CCDC171: variants seen among roughly 807,000 people sequenced by gnomAD.
CCDC171 encodes coiled-coil domain containing 171, also known as coiled-coil domain-containing protein 171.
CCDC171 carries 177 observed loss-of-function variants against 168.2 expected under a neutral mutation model. That is an observed-to-expected ratio of 1.05 (90% CI 0.93 to 1.19). The LOEUF is 1.19. Ranked by LOEUF, CCDC171 falls within the 50% of genes most tolerant of loss-of-function variation. The pLI is 0.00. For missense variants in CCDC171, 1,991 were observed against 1,539.0 expected, an observed-to-expected ratio of 1.29 and a Z score of -4.91; for synonymous variants, 687 against 540.8, an observed-to-expected ratio of 1.27 and a Z score of -3.75.
rs773463624 is a variant in CCDC171 at position 15,721,773 on chromosome 9, C to T, written c.1323C>T (p.Ile441=). ...TCATCCTATATTTTTCTCTAGGCATCCACAAGGACAAAGATAAACCTCCCA... is the reference window on the plus strand; with the variant it reads ...TCATCCTATATTTTTCTCTAGGCATTCACAAGGACAAAGATAAACCTCCCA... ...FTVSGQWTSG[I]HKDKDKPPSF... Residue 441 remains isoleucine, a synonymous_variant, in exon 12 of 26, where the codon ATC becomes ATT. Transcript: ENST00000380701. The T allele has an allele frequency of 1.2e-5, 19 of 1,536,674 alleles. No homozygotes were observed. The East Asian group carries it at 3.4e-4, about 28-fold the overall frequency.
intron 6 of CCDC171, among the ~76,000 whole-genome samples, chr9:15,617,677 G>GT (rs993563516): frequency 1.2e-4 from 18 of 151,980 alleles, no homozygotes; most frequent in East Asian, 1.2e-3. Context: ...CGCCCGGCCT[G>GT]TGGGGGGGGT....
In CCDC171 at chr9:15,971,612, G is replaced by T; in HGVS notation, c.3757G>T (p.Gly1253Ter). 6.2e-7 allele frequency: 1 copy of T among 1,609,868 alleles called. No individual in the cohort carries two copies. The change falls in exon 26 of 26, where the codon GGA (glycine) becomes TGA (stop). Residue 1253 changes from glycine (G) to a stop codon, truncating the protein, a stop_gained. Coordinates refer to ENST00000380701, the MANE Select transcript of CCDC171 (RefSeq NM_173550.4). LOFTEE classifies it high-confidence loss of function. ...TTTTTTCTTTTGTATGTCACAGATA[G>T]GATCACGAGACCATTCAAATCTCTC... is the stretch of plus-strand genomic sequence containing the variant. ...LRENASLQSI[G>*]SRDHSNLSIP...
At chr9:15,898,970 CCT>C (rs962534985) in intron 24 of CCDC171, among the ~76,000 whole-genome samples, 4 of 152,146 alleles carry the variant, frequency 2.6e-5, no homozygotes, top group Non-Finnish European at 4.4e-5. Flanking sequence ...CATATCACCC[CCT>C]GTCCTGCCAT....
chr9:16,020,489 A>G (rs1475582765), intron 3 of CCDC171: 1 of 154,136 alleles, frequency 6.5e-6, no homozygotes, highest in African/African-American at 2.4e-5. Flanking sequence ...TAGCAAGTAC[A>G]GCATATGATT....
At chr9:15,649,353 C>A (rs1027478262) in intron 7 of CCDC171, among the ~76,000 whole-genome samples, 1 of 152,154 alleles carries the variant, frequency 6.6e-6, no homozygotes, top group Admixed American at 6.5e-5. Context: ...GACTTCATGA[C>A]TAAAACACCA....
chr9:15,627,315 C>G (rs983503581), intron 7 of CCDC171, among the ~76,000 whole-genome samples: 2 of 151,952 alleles, frequency 1.3e-5, no homozygotes, highest in African/African-American at 4.8e-5. Context: ...GTCTTTATCT[C>G]TTTCAGTTCT....
chr9:15,907,771 C>T (rs577084445), intron 24 of CCDC171, among the ~76,000 whole-genome samples: 5 of 152,094 alleles, frequency 3.3e-5, no homozygotes, highest in Admixed American at 1.3e-4. Context: ...TGACAAAGGG[C>T]TAATATCCAG....
intron 1 of CCDC171, among the ~76,000 whole-genome samples, chr9:16,046,347 C>A (rs1833658481): frequency 6.6e-6 from 1 of 152,120 alleles, no homozygotes; most frequent in South Asian, 2.1e-4. Context: ...AGGCCCAAAC[C>A]AGAGACTTGG....
chr9:15,826,053 A>G (rs2059997612), intron 21 of CCDC171, among the ~76,000 whole-genome samples: 1 of 152,002 alleles, frequency 6.6e-6, no homozygotes, highest in Non-Finnish European at 1.5e-5. Context: ...TATTTTAAAA[A>G]TATTTCTATC....
chr9:15,699,111 T>G (rs1335746498), intron 11 of CCDC171, among the ~76,000 whole-genome samples: 1 of 152,154 alleles, frequency 6.6e-6, no homozygotes, highest in Non-Finnish European at 1.5e-5. Context: ...GAAGGCAGCG[T>G]GTCCAGAGTT....
the CCDC171 span, among the ~76,000 whole-genome samples, chr9:16,097,895 C>T: frequency 6.6e-6 from 1 of 152,192 alleles, no homozygotes; most frequent in African/African-American, 2.4e-5. Flanking sequence ...TTTCTGCCTT[C>T]TTTGCACCCC....
chr9:16,054,026 G>T (rs1272870260), intron 1 of CCDC171, among the ~76,000 whole-genome samples: 1 of 152,236 alleles, frequency 6.6e-6, no homozygotes, highest in Non-Finnish European at 1.5e-5. Context: ...CTGGCCTGCT[G>T]ATGTTCTTTC....
chr9:15,691,542 T>A (rs56011813), intron 10 of CCDC171, among the ~76,000 whole-genome samples: 4,822 of 112,548 alleles, frequency 0.043, 270 homozygotes, highest in East Asian at 0.13. Context: ...TAAATATATG[T>A]TTTTTATATA....
chr9:15,702,037 G>T (rs141378755), intron 11 of CCDC171, among the ~76,000 whole-genome samples: 35 of 152,306 alleles, frequency 2.3e-4, no homozygotes, highest in African/African-American at 7.7e-4. Context: ...CTACAGAATG[G>T]ATGTTGTGTT....
At chr9:15,735,086 C>T (rs982029360) in intron 16 of CCDC171, among the ~76,000 whole-genome samples, 8 of 152,246 alleles carry the variant, frequency 5.3e-5, no homozygotes, top group African/African-American at 1.7e-4. Context: ...TTGTAAGAAT[C>T]TAATATTTCT....
Position 15,819,947 on chromosome 9 carries a change from A to T in CCDC171, c.3268-26755A>T, listed in dbSNP as rs558586436. On this transcript the variant is annotated intron_variant, in intron 21 of 25. Coordinates refer to ENST00000380701, the MANE Select transcript of CCDC171 (RefSeq NM_173550.4). The stretch of plus-strand genomic sequence containing the variant: ...TTGACCACATAGTTGGAAGTAAAGC[A>T]CTCCTCAGCAAATGTAAAAGAACAG... Among the ~76,000 whole-genome samples, 557 of 116,954 alleles carry T rather than the reference A, an allele frequency of 4.8e-3. 149 individuals are homozygous for T. Among genetic ancestry groups the T allele is most frequent in the African/African-American group, 0.016 (506 of 31,030 alleles). The allele number at this position is 116,954 out of a possible 152,430, so 76.7% of individuals were successfully genotyped here.
At chr9:15,920,223 G>A (rs760619978) in intron 24 of CCDC171, 47 bp from the exon 25 acceptor site, 3 of 1,192,342 alleles carry the variant, frequency 2.5e-6, no homozygotes, top group South Asian at 4.1e-5. Flanking sequence ...TCTCCTTTGG[G>A]GACATATTTA....
At chr9:15,717,295 C>T (rs1420973011) in intron 11 of CCDC171, among the ~76,000 whole-genome samples, 1 of 152,156 alleles carries the variant, frequency 6.6e-6, no homozygotes, top group African/African-American at 2.4e-5. Flanking sequence ...TAGACTAGTC[C>T]TAGCCAGAGG....
At chr9:15,949,541 C>G (rs1828860285) in intron 25 of CCDC171, among the ~76,000 whole-genome samples, 1 of 152,010 alleles carries the variant, frequency 6.6e-6, no homozygotes, top group African/African-American at 2.4e-5. Context: ...CCTTCACATC[C>G]TAGGTATTTT....
Sources: allele counts gnomAD v4.1 joint callset (sites outside exome capture counted in the v4.1 genomes callset), GRCh38; gene constraint gnomAD v4.1.1; transcripts MANE v1.5; gene names NCBI Gene and HGNC (gene_info 2026-07-23, HGNC 2026-07-21).